MAL2: variants seen among roughly 807,000 people sequenced by gnomAD.
MAL2 encodes the protein mal, T cell differentiation protein 2.
A neutral mutation model predicts 18.1 loss-of-function variants in MAL2; 17 were observed. The ratio of observed to expected loss-of-function variants is 0.94; its 90% CI spans 0.64 to 1.41. The LOEUF (loss-of-function observed/expected upper bound fraction) is 1.41. MAL2 is among the 40% of genes most tolerant of loss of function. The pLI is 0.00. For synonymous variants in MAL2, 102 were observed against 102.3 expected (o/e 1.00, Z 0.02); for missense variants, 222 against 231.9 (o/e 0.96, Z 0.28).
chr8:119,222,399 G>T (rs1230207205), intron 2 of MAL2, among the ~76,000 whole-genome samples: 2 of 151,670 alleles, frequency 1.3e-5, no homozygotes, highest in South Asian at 2.1e-4. Context: ...GCATGATGGG[G>T]TGTGCCTGTA....
chr8:119,231,724 A>G (rs578000901), intron 2 of MAL2, among the ~76,000 whole-genome samples: 1 of 152,360 alleles, frequency 6.6e-6, no homozygotes, highest in African/African-American at 2.4e-5. Flanking sequence ...AAAATGCAGT[A>G]TATATTCACA....
At chr8:119,241,490 G>A (rs546019914) in intron 3 of MAL2, among the ~76,000 whole-genome samples, 22 of 148,636 alleles carry the variant, frequency 1.5e-4, no homozygotes, top group African/African-American at 5.7e-4. Context: ...GACTCTGGTC[G>A]GGGGAGAGAA....
chr8:119,240,468 T>C lies in MAL2; in HGVS notation c.459+148T>C, dbSNP rs75183026. 3.7e-3 allele frequency: 3,137 copies of C among 844,212 alleles called. 71 individuals carry two copies. The African/African-American group carries it at 0.048, about 13-fold the overall frequency. The allele number at this position is 844,212 out of a possible 1,614,324, so 52.3% of individuals were successfully genotyped here. On this transcript the variant is annotated intron_variant, in intron 3 of 3. Coordinates refer to ENST00000614891, the MANE Select transcript of MAL2 (RefSeq NM_052886.3). ...ATAGCTATTTATCTGTACAATAACC[T>C]TGTAAGCAAAGTGCCATGATCACCC...
intron 2 of MAL2, among the ~76,000 whole-genome samples, chr8:119,234,996 C>T (rs374614124): frequency 0.015 from 2,245 of 151,810 alleles, 31 homozygotes; most frequent in East Asian, 0.029. Flanking sequence ...AGGCTTCAGA[C>T]GATCAAATTA....
In MAL2 at chr8:119,208,529, G is replaced by T. The variant is rs758403171; in HGVS notation, c.57G>T (p.Pro19=). 2 of 1,386,068 alleles carry T rather than the reference G, an allele frequency of 1.4e-6. No homozygotes were observed. Among genetic ancestry groups the T allele is most frequent in the South Asian group, 3.3e-5 (2 of 60,258 alleles). The allele number at this position is 1,386,068 out of a possible 1,614,324, so 85.9% of individuals were successfully genotyped here. Residue 19 remains proline (P), a synonymous_variant, in exon 1 of 4, where the codon CCG becomes CCT. Coordinates refer to ENST00000614891, the MANE Select transcript of MAL2 (RefSeq NM_052886.3). The surrounding 1 kb of genome is among the most constrained non-coding windows in gnomAD (Gnocchi z 4.3). ...PPPPNPAVSF[P]PPRVTLPAGP... ...CCCCGAACCCCGCCGTGTCCTTCCC[G>T]CCGCCCCGGGTCACCCTGCCCGCCG...
At position 119,240,254 on chromosome 8, in the gene MAL2, C is replaced by G; in HGVS notation, c.393C>G (p.Cys131Trp). 1 of 1,613,676 alleles carries G rather than the reference C, an allele frequency of 6.2e-7. No individual in the cohort carries two copies. The highest frequency in any genetic ancestry group is 1.1e-5 in the South Asian group (1 of 91,072). ...CCACATCCCTGCATGATTTGCATTG[C>G]AATACAACCATAACCGGGCAGCCAC... is the stretch of plus-strand genomic sequence containing the variant. ...AAATSLHDLHCNTTITGQPLL... is the reference protein window; with the variant it reads ...AAATSLHDLHWNTTITGQPLL... Residue 131 changes from cysteine (C) to tryptophan (W), a missense_variant, in exon 3 of 4, where the codon TGC (cysteine) becomes TGG (tryptophan). Physicochemically the swap from Cys to Trp is radical, Grantham distance 215. Transcript: ENST00000614891.
intron 2 of MAL2, 80 bp from the exon 3 acceptor site, chr8:119,240,085 A>T: frequency 7.0e-7 from 1 of 1,421,966 alleles, no homozygotes; most frequent in Non-Finnish European, 9.7e-7. Flanking sequence ...GATCTTGCTA[A>T]ACCTAAACTT....
chr8:119,218,678 G>A (rs535973930), intron 1 of MAL2, among the ~76,000 whole-genome samples: 3 of 152,112 alleles, frequency 2.0e-5, no homozygotes, highest in South Asian at 2.1e-4. Context: ...CAGTAGGTTC[G>A]GGGCTGGCCT....
At chr8:119,223,397 G>A (rs372920717) in intron 2 of MAL2, 3 of 152,194 alleles carry the variant, frequency 2.0e-5, no homozygotes, top group African/African-American at 7.2e-5. Flanking sequence ...TCTGTAAAAT[G>A]AGAATAATAT....
chr8:119,239,888 C>A (rs1818009292), intron 2 of MAL2, among the ~76,000 whole-genome samples: 1 of 152,058 alleles, frequency 6.6e-6, no homozygotes, highest in East Asian at 1.9e-4. Context: ...CACATGTACC[C>A]TAAAACTTAA....
intron 1 of MAL2, among the ~76,000 whole-genome samples, chr8:119,218,485 AT>A (rs1817397059): frequency 6.6e-6 from 1 of 150,970 alleles, no homozygotes; most frequent in African/African-American, 2.4e-5. Flanking sequence ...TTCCCATTAT[AT>A]TTCTTCTCTC....
At chr8:119,211,575 A>G (rs116940258) in intron 1 of MAL2, among the ~76,000 whole-genome samples, 1 of 152,324 alleles carries the variant, frequency 6.6e-6, no homozygotes, top group East Asian at 1.9e-4. Context: ...CCTGTCAGAT[A>G]TAAGCCATTT....
intron 1 of MAL2, among the ~76,000 whole-genome samples, chr8:119,210,262 A>G (rs1411546462): frequency 3.3e-5 from 5 of 152,308 alleles, no homozygotes; most frequent in Non-Finnish European, 7.3e-5. Flanking sequence ...GTAAATATAT[A>G]TACATGTGTA....
intron 1 of MAL2, among the ~76,000 whole-genome samples, chr8:119,214,088 G>A (rs1817306855): frequency 6.6e-6 from 1 of 152,218 alleles, no homozygotes; most frequent in Non-Finnish European, 1.5e-5. Context: ...TGGACATGGT[G>A]TATTTGCAGT....
At position 119,208,632 on chromosome 8, in the gene MAL2, G is replaced by A. The variant is rs1296268805; in HGVS notation, c.132+28G>A. 4 of 1,284,458 alleles carry A rather than the reference G, an allele frequency of 3.1e-6. No homozygotes were observed. The South Asian group carries it at 7.7e-5, about 25-fold the overall frequency. 79.6% of individuals were successfully genotyped at this position (1,284,458 alleles called of 1,614,324 possible). A position where few individuals can be genotyped will look rare whatever the true frequency, so the allele number is the denominator to read the frequency against. On this transcript the variant is annotated intron_variant, in intron 1 of 3. Coordinates refer to ENST00000614891, the MANE Select transcript of MAL2 (RefSeq NM_052886.3). The surrounding 1 kb of genome is among the most constrained non-coding windows in gnomAD (Gnocchi z 4.3). ...AAGTGGGGCCGCCGGAGCGAGGGTCGCGCGGGGAGCGAGGACAGGCGGCGG... is the reference window on the plus strand; with the variant it reads ...AAGTGGGGCCGCCGGAGCGAGGGTCACGCGGGGAGCGAGGACAGGCGGCGG...
At position 119,208,504 on chromosome 8, in the gene MAL2, C is replaced by T; in HGVS notation, c.32C>T (p.Pro11Leu). The T allele has an allele frequency of 7.5e-7, 1 of 1,329,910 alleles. No homozygotes were observed. The highest frequency in any genetic ancestry group is 9.6e-7 in the Non-Finnish European group (1 of 1,037,930). 82.4% of individuals were successfully genotyped at this position (1,329,910 alleles called of 1,614,324 possible). A position where few individuals can be genotyped will look rare whatever the true frequency, so the allele number is the denominator to read the frequency against. Reference sequence around the variant, plus strand: ...GCCGGCGGAGCGTCAGTCCCGCCGCCCCCGAACCCCGCCGTGTCCTTCCCG... The same window carrying T: ...GCCGGCGGAGCGTCAGTCCCGCCGCTCCCGAACCCCGCCGTGTCCTTCCCG... MSAGGASVPP[P>L]PNPAVSFPPP... The change falls in exon 1 of 4, where the codon CCC becomes CTC. Residue 11 changes from proline to leucine, a missense_variant. Pro to Leu is a moderately conservative substitution (Grantham distance 98, BLOSUM62 -3). Coordinates refer to ENST00000614891, the MANE Select transcript of MAL2 (RefSeq NM_052886.3). This position sits in a 1 kb window ranked among gnomAD's most constrained non-coding sequence, Gnocchi z 4.3.
At chr8:119,220,501 T>C (rs2129805952) in intron 1 of MAL2, among the ~76,000 whole-genome samples, 1 of 152,226 alleles carries the variant, frequency 6.6e-6, no homozygotes, top group Non-Finnish European at 1.5e-5. Context: ...TAAAGGCAAA[T>C]CTTGACCATG....
intron 2 of MAL2, among the ~76,000 whole-genome samples, chr8:119,227,446 A>T (rs1311050012): frequency 6.6e-6 from 1 of 152,210 alleles, no homozygotes; most frequent in East Asian, 1.9e-4. Context: ...AAAACTTCAG[A>T]ACACAGCCTG....
At chr8:119,237,357 G>A (rs1817930094) in intron 2 of MAL2, among the ~76,000 whole-genome samples, 1 of 151,608 alleles carries the variant, frequency 6.6e-6, no homozygotes, top group Non-Finnish European at 1.5e-5. Context: ...TCTACCAGAG[G>A]TACAAGGAGG....
Sources: gnomAD v4.1 joint callset for allele counts (sites outside exome capture counted in the v4.1 genomes callset) on GRCh38, gnomAD v4.1.1 for gene constraint, Gnocchi (gnomAD v3.1) non-coding constraint, MANE v1.5 for transcripts, NCBI Gene and HGNC (gene_info 2026-07-23, HGNC 2026-07-21) for gene names.